CSMD1: variants seen among roughly 807,000 people sequenced by gnomAD.
CSMD1 encodes the protein CUB and Sushi multiple domains 1, also known as CUB and sushi domain-containing protein 1.
CSMD1 carries 213 observed loss-of-function variants against 417.5 expected under a neutral mutation model. The observed-to-expected ratio is 0.51, with a 90% CI of 0.46 to 0.57. The LOEUF is 0.57. CSMD1 is among the 20% of genes least tolerant of loss of function. CSMD1 has a pLI of 0.00. For synonymous variants in CSMD1, 2,862 were observed against 1,736.8 expected (o/e 1.65, Z -16.11); for missense variants, 6,923 against 4,529.7 (o/e 1.53, Z -15.17).
At chr8:3,724,569 C>T (rs554300249) in intron 6 of CSMD1, among the ~76,000 whole-genome samples, 1 of 152,164 alleles carries the variant, frequency 6.6e-6, no homozygotes, top group African/African-American at 2.4e-5. Context: ...CACCCTTCCT[C>T]TGGGCTGGGA....
At chr8:4,812,236 C>T (rs893810769) in intron 1 of CSMD1, among the ~76,000 whole-genome samples, 2 of 152,138 alleles carry the variant, frequency 1.3e-5, no homozygotes, top group Non-Finnish European at 2.9e-5. Context: ...CACAACCAGT[C>T]GAAGTCTGTA....
chr8:4,617,897 G>A (rs1389510468), intron 2 of CSMD1, among the ~76,000 whole-genome samples: 1 of 152,088 alleles, frequency 6.6e-6, no homozygotes, highest in Non-Finnish European at 1.5e-5. Context: ...CTGGACCAAT[G>A]CCTGGGACCC....
intron 15 of CSMD1, among the ~76,000 whole-genome samples, chr8:3,405,313 A>C (rs2116893502): frequency 6.6e-6 from 1 of 152,316 alleles, no homozygotes; most frequent in South Asian, 2.1e-4. Context: ...CTCTAAGTAA[A>C]CATTTTTAAA....
intron 1 of CSMD1, among the ~76,000 whole-genome samples, chr8:4,713,280 T>G (rs529418286): frequency 6.6e-6 from 1 of 152,380 alleles, no homozygotes; most frequent in African/African-American, 2.4e-5. Flanking sequence ...GAGTGTAGTT[T>G]AAGTTGGTTT....
chr8:4,326,586 T>C (rs1156579161), intron 3 of CSMD1, among the ~76,000 whole-genome samples: 2 of 152,158 alleles, frequency 1.3e-5, no homozygotes, highest in African/African-American at 2.4e-5. Flanking sequence ...TCCAAACTTC[T>C]TTTTCTCTCC....
At chr8:4,382,576 G>T (rs111872665) in intron 3 of CSMD1, among the ~76,000 whole-genome samples, 1 of 152,048 alleles carries the variant, frequency 6.6e-6, no homozygotes, top group African/African-American at 2.4e-5. Flanking sequence ...TCCTTTAAAG[G>T]AAAGTTAAAA....
chr8:3,410,899 A>C (rs1585122702), intron 12 of CSMD1, among the ~76,000 whole-genome samples: 1 of 152,248 alleles, frequency 6.6e-6, no homozygotes, highest in Non-Finnish European at 1.5e-5. Flanking sequence ...GTAATTTAAC[A>C]CAAGATAGAG....
intron 3 of CSMD1, among the ~76,000 whole-genome samples, chr8:4,278,524 T>C (rs1796608810): frequency 6.6e-6 from 1 of 152,184 alleles, no homozygotes; most frequent in South Asian, 2.1e-4. Flanking sequence ...AGTTTTACCA[T>C]TAAAGTAAGG....
At chr8:3,725,925 G>A (rs996225623) in intron 6 of CSMD1, among the ~76,000 whole-genome samples, 20 of 152,076 alleles carry the variant, frequency 1.3e-4, no homozygotes, top group Non-Finnish European at 2.4e-4. Context: ...TTTGATAGTG[G>A]CCTGGACCTA....
chr8:4,925,495 G>C (rs1258612735), intron 1 of CSMD1, among the ~76,000 whole-genome samples: 1 of 150,608 alleles, frequency 6.6e-6, no homozygotes, highest in Non-Finnish European at 1.5e-5. Context: ...TTCTAGTCTT[G>C]TGTTCCTTAT....
intron 1 of CSMD1, among the ~76,000 whole-genome samples, chr8:4,926,074 G>A (rs1020276176): frequency 6.6e-6 from 1 of 152,068 alleles, no homozygotes; most frequent in Non-Finnish European, 1.5e-5. Context: ...TTTAAAAGTG[G>A]ACTTATTCTT....
At chr8:3,333,200 C>T (rs973786859) in intron 23 of CSMD1, among the ~76,000 whole-genome samples, 3 of 152,170 alleles carry the variant, frequency 2.0e-5, no homozygotes, top group African/African-American at 7.2e-5. Context: ...GCCCAGCCAA[C>T]ACCTGGTCAC....
chr8:4,174,917 A>T (rs2552098), intron 3 of CSMD1, among the ~76,000 whole-genome samples: 147,778 of 150,416 alleles, frequency 0.98, 72,642 homozygotes, highest in Middle Eastern at 1. Flanking sequence ...TCTTTGCAGA[A>T]CTGATGTCAA....
intron 3 of CSMD1, among the ~76,000 whole-genome samples, chr8:4,210,005 G>C (rs771207795): frequency 3.3e-5 from 5 of 152,176 alleles, no homozygotes; most frequent in Non-Finnish European, 5.9e-5. Flanking sequence ...TTCTGCCCCA[G>C]ATCTGTTTTA....
chr8:4,980,274 T>C (rs896840017), intron 1 of CSMD1, among the ~76,000 whole-genome samples: 2 of 152,174 alleles, frequency 1.3e-5, no homozygotes, highest in African/African-American at 2.4e-5. Flanking sequence ...AGAACTTTCC[T>C]AGCATGCTGC....
At chr8:4,709,009 A>G (rs1014425139) in intron 1 of CSMD1, among the ~76,000 whole-genome samples, 7 of 152,158 alleles carry the variant, frequency 4.6e-5, no homozygotes, top group Non-Finnish European at 2.9e-5. Flanking sequence ...CTGAACCTTG[A>G]CAAAATAAAT....
intron 29 of CSMD1, among the ~76,000 whole-genome samples, chr8:3,217,625 C>T (rs1034018195): frequency 1.3e-5 from 2 of 152,132 alleles, no homozygotes; most frequent in African/African-American, 4.8e-5. Context: ...TATGATGTGG[C>T]AAAGGCTCAA....
At chr8:3,968,876 CAAGA>C (rs1396794270) in intron 5 of CSMD1, among the ~76,000 whole-genome samples, 4 of 152,134 alleles carry the variant, frequency 2.6e-5, no homozygotes, top group Non-Finnish European at 4.4e-5. Flanking sequence ...TCTTTTCTTG[CAAGA>C]AAGATTCATG....
At chr8:3,883,210 C>A (rs567991955) in intron 5 of CSMD1, among the ~76,000 whole-genome samples, 1 of 152,060 alleles carries the variant, frequency 6.6e-6, no homozygotes, top group Non-Finnish European at 1.5e-5. Context: ...TTACTAGATA[C>A]GTGTCCTTGA....
Sources: allele counts gnomAD v4.1 joint callset (sites outside exome capture counted in the v4.1 genomes callset), GRCh38; gene constraint gnomAD v4.1.1; transcripts MANE v1.5; gene names NCBI Gene and HGNC (gene_info 2026-07-23, HGNC 2026-07-21).